The following TTC32 variants were observed in gnomAD, a reference collection of about 807,000 sequenced individuals.
The protein encoded by TTC32 is tetratricopeptide repeat protein 32.
A neutral mutation model predicts 15.3 loss-of-function variants in TTC32; 16 were observed. That is an observed-to-expected ratio of 1.05 (90% CI 0.71 to 1.59). The LOEUF (loss-of-function observed/expected upper bound fraction) is 1.59. Ranked by LOEUF, TTC32 falls within the 40% of genes most tolerant of loss-of-function variation. The pLI is 0.00. For synonymous variants in TTC32, 89 were observed against 67.8 expected, an observed-to-expected ratio of 1.31 and a Z score of -1.53; for missense variants, 188 against 181.9, an observed-to-expected ratio of 1.03 and a Z score of -0.19.
intron 1 of TTC32, among the ~76,000 whole-genome samples, chr2:19,898,675 A>C (rs989944064): frequency 2.0e-5 from 3 of 152,158 alleles, no homozygotes; most frequent in African/African-American, 4.8e-5. Context: ...TCAGGGCTCC[A>C]GTCAATTTTG....
chr2:19,900,226 AG>A (rs1669578648), intron 1 of TTC32, among the ~76,000 whole-genome samples: 1 of 152,238 alleles, frequency 6.6e-6, no homozygotes, highest in Admixed American at 6.5e-5. Flanking sequence ...AAAATCTACT[AG>A]GTAAGTCTAC....
chr2:19,897,006 TTTC>T lies in TTC32; in HGVS notation c.434_436del (p.Arg145del). On this transcript the variant is annotated inframe_deletion, in exon 3 of 3. Coordinates refer to ENST00000333610, the MANE Select transcript of TTC32 (RefSeq NM_001008237.3). ...AAAATATCAATAATTTTTTGCAACATTTCTTCTTTGTTTTTCTTCTTTGTCTAG... is the reference window on the plus strand; with the variant it reads ...AAAATATCAATAATTTTTTGCAACATTTCTTTGTTTTTCTTCTTTGTCTAG... 1 of 1,585,318 alleles carries T rather than the reference TTTC, an allele frequency of 6.3e-7. No homozygotes were observed. The highest frequency in any genetic ancestry group is 8.6e-7 in the Non-Finnish European group (1 of 1,167,884).
intron 1 of TTC32, 95 bp from the exon 2 acceptor site, chr2:19,898,130 C>T (rs1480369704): frequency 9.0e-7 from 1 of 1,116,592 alleles, no homozygotes; most frequent in Non-Finnish European, 1.2e-6. Context: ...ACTTCACAGC[C>T]TATAACATGC....
chr2:19,901,783 G>A lies in TTC32; in HGVS notation c.72C>T (p.Tyr24=), dbSNP rs1205065260. 5.0e-6 allele frequency: 8 copies of A among 1,614,092 alleles called. No homozygotes were observed. In the Admixed American group the frequency reaches 5.0e-5, roughly 10 times the overall value. ...LAQAHFNNGE[Y]AEAEALYSAY... is the part of the protein sequence containing the mutation. ...CGGAGTACAGTGCCTCGGCCTCCGCGTACTCTCCATTGTTGAAATGAGCCT... is the reference window on the plus strand; with the variant it reads ...CGGAGTACAGTGCCTCGGCCTCCGCATACTCTCCATTGTTGAAATGAGCCT... The change falls in exon 1 of 3, where the codon TAC becomes TAT. Residue 24 remains tyrosine, a synonymous_variant. Coordinates refer to ENST00000333610, the MANE Select transcript of TTC32 (RefSeq NM_001008237.3).
At chr2:19,900,300 G>A (rs1295956161) in intron 1 of TTC32, among the ~76,000 whole-genome samples, 2 of 152,150 alleles carry the variant, frequency 1.3e-5, no homozygotes, top group Non-Finnish European at 2.9e-5. Context: ...TTATGGGGGA[G>A]GTGCACTGAG....
chr2:19,901,673 G>A, intron 1 of TTC32, 33 bp downstream of exon 1: 3 of 1,598,676 alleles, frequency 1.9e-6, no homozygotes, highest in Non-Finnish European at 2.6e-6. Flanking sequence ...CTCCACCCGG[G>A]GTCGCCGCGG....
intron 1 of TTC32, among the ~76,000 whole-genome samples, chr2:19,899,296 G>C (rs533712907): frequency 2.0e-5 from 3 of 152,302 alleles, no homozygotes; most frequent in East Asian, 3.9e-4. Flanking sequence ...CTTCACCTAT[G>C]TGTGACATGA....
chr2:19,901,950 C>G lies in TTC32; in HGVS notation c.-96G>C. ...GCCACTTCCACACCCTGGAATCTAC[C>G]TTGACAGCCAACCTTGGCGCTAGGT... On this transcript the variant is annotated 5_prime_UTR_variant, in exon 1 of 3. Transcript: ENST00000333610. 1 of 1,466,504 alleles carries G rather than the reference C, an allele frequency of 6.8e-7. No homozygotes were observed. Among genetic ancestry groups the G allele is most frequent in the Non-Finnish European group, 9.3e-7 (1 of 1,072,324 alleles). 90.8% of individuals were successfully genotyped at this position (1,466,504 alleles called of 1,614,324 possible). A position where few individuals can be genotyped will look rare whatever the true frequency, so the allele number is the denominator to read the frequency against.
intron 1 of TTC32, chr2:19,901,465 T>C: frequency 2.0e-6 from 1 of 496,574 alleles, no homozygotes; most frequent in East Asian, 3.9e-5. Context: ...TTCCCGGAAA[T>C]CTCTCCGCAC....
chr2:19,901,010 G>A, intron 1 of TTC32: 1 of 460,450 alleles, frequency 2.2e-6, no homozygotes, highest in Non-Finnish European at 4.5e-6. Flanking sequence ...CTGCGAAAAG[G>A]GAACCAAAGA....
intron 1 of TTC32, among the ~76,000 whole-genome samples, chr2:19,899,251 C>A (rs981697877): frequency 6.6e-6 from 1 of 152,136 alleles, no homozygotes; most frequent in Non-Finnish European, 1.5e-5. Flanking sequence ...TAAGCACCCC[C>A]GTTAAAACCT....
intron 1 of TTC32, 89 bp downstream of exon 1, chr2:19,901,617 T>G: frequency 2.0e-6 from 3 of 1,507,406 alleles, no homozygotes; most frequent in Non-Finnish European, 2.7e-6. Flanking sequence ...GCGCCGACCG[T>G]GAGCTCCAGA....
chr2:19,901,272 T>G, intron 1 of TTC32: 2 of 324,600 alleles, frequency 6.2e-6, no homozygotes, highest in South Asian at 4.5e-5. Context: ...GGAGTCGCGG[T>G]ACTGTGGCCC....
chr2:19,901,886 G>A lies in TTC32; in HGVS notation c.-32C>T. 6.2e-7 allele frequency: 1 copy of A among 1,612,932 alleles called. No homozygotes were observed. The highest frequency in any genetic ancestry group is 8.5e-7 in the Non-Finnish European group (1 of 1,179,370). On this transcript the variant is annotated 5_prime_UTR_variant, in exon 1 of 3. Coordinates refer to ENST00000333610, the MANE Select transcript of TTC32 (RefSeq NM_001008237.3). ...CAAGGCCTAGTTTTCGGTGTAGAAT[G>A]GGGGTTGACCTCCGAGCGGTTAGAG...
intron 1 of TTC32, chr2:19,901,128 A>G (rs527807281): frequency 8.5e-6 from 4 of 469,586 alleles, no homozygotes; most frequent in Middle Eastern, 3.3e-4. Flanking sequence ...CCATGGATGA[A>G]TACAATAGGT....
intron 1 of TTC32, 51 bp downstream of exon 1, chr2:19,901,655 A>G: frequency 6.3e-7 from 1 of 1,583,126 alleles, no homozygotes; most frequent in South Asian, 1.1e-5. Flanking sequence ...AAACAACCCC[A>G]ACGTCGCCTC....
Position 19,896,964 on chromosome 2 carries a change from A to C in TTC32, c.*23T>G, listed in dbSNP as rs753356232. 6.5e-7 allele frequency: 1 copy of C among 1,548,470 alleles called. No homozygotes were observed. On this transcript the variant is annotated 3_prime_UTR_variant, in exon 3 of 3. Transcript: ENST00000333610. Reference sequence around the variant, plus strand: ...ATGCAGATGTAAGGATCATGAATCAATACTTCCATTAAGTTAAAAATATCA... The same window carrying C: ...ATGCAGATGTAAGGATCATGAATCACTACTTCCATTAAGTTAAAAATATCA...
chr2:19,898,978 A>G (rs1417280917), intron 1 of TTC32, among the ~76,000 whole-genome samples: 1 of 152,246 alleles, frequency 6.6e-6, no homozygotes. Context: ...ACTTCTTTGT[A>G]ATACCCCGTA....
chr2:19,901,002 G>A (rs757240833), intron 1 of TTC32: 37 of 459,246 alleles, frequency 8.1e-5, no homozygotes, highest in Non-Finnish European at 4.1e-5. Context: ...TGAACTAACT[G>A]CGAAAAGGGA....
Sources: allele counts gnomAD v4.1 joint callset (sites outside exome capture counted in the v4.1 genomes callset), GRCh38; gene constraint gnomAD v4.1.1; transcripts MANE v1.5; gene names NCBI Gene and HGNC (gene_info 2026-07-23, HGNC 2026-07-21).